Variants in RAPGEF5 observed in about 807,000 individuals in gnomAD.
RAPGEF5 encodes M-Ras-regulated GEF.
In RAPGEF5, 65 loss-of-function variants were observed where a neutral mutation model predicts 125.2. The ratio of observed to expected loss-of-function variants is 0.52; its 90% confidence interval spans 0.43 to 0.64. The LOEUF (loss-of-function observed/expected upper bound fraction) is 0.64, where lower values mean the gene tolerates loss of function less well. Among genes scored for constraint, RAPGEF5 ranks in the 30% least tolerant of loss-of-function variants. RAPGEF5 has a pLI of 0.00. For synonymous variants in RAPGEF5, 391 were observed against 385.9 expected (o/e 1.01, Z -0.16); for missense variants, 958 against 1,048.1 (o/e 0.91, Z 1.19).
chr7:22,288,545 C>T (rs1259909748), intron 6 of RAPGEF5, among the ~76,000 whole-genome samples: 3 of 146,478 alleles, frequency 2.0e-5, no homozygotes, highest in East Asian at 2.0e-4. Context: ...TTTTTTGAGA[C>T]GGAGTCTCGC....
At chr7:22,246,491 T>G (rs1786480172) in intron 7 of RAPGEF5, among the ~76,000 whole-genome samples, 1 of 152,162 alleles carries the variant, frequency 6.6e-6, no homozygotes, top group South Asian at 2.1e-4. Context: ...GACTCCCTAT[T>G]CAATGAATGG....
chr7:22,126,144 G>A (rs10255474), intron 24 of RAPGEF5, among the ~76,000 whole-genome samples: 56,272 of 151,868 alleles, frequency 0.37, 11,827 homozygotes, highest in East Asian at 0.56. Flanking sequence ...GTGAGACTCC[G>A]TCTCAAAAAC....
At chr7:22,304,844 T>C (rs986226338) in intron 5 of RAPGEF5, among the ~76,000 whole-genome samples, 4 of 152,210 alleles carry the variant, frequency 2.6e-5, no homozygotes, top group East Asian at 1.9e-4. Context: ...TTCTGACCTA[T>C]ATTAAGAGCA....
intron 11 of RAPGEF5, among the ~76,000 whole-genome samples, chr7:22,169,936 G>A (rs962975418): frequency 1.3e-5 from 2 of 148,526 alleles, no homozygotes; most frequent in Admixed American, 6.8e-5. Context: ...CTGGAACCCA[G>A]GTGGCAGAGG....
chr7:22,140,385 T>C (rs572014202), intron 20 of RAPGEF5, among the ~76,000 whole-genome samples: 11 of 152,310 alleles, frequency 7.2e-5, no homozygotes, highest in African/African-American at 2.4e-4. Context: ...CTATGTTGTG[T>C]GCATTTACAA....
At chr7:22,229,021 T>C (rs1413193595) in intron 8 of RAPGEF5, among the ~76,000 whole-genome samples, 2 of 152,080 alleles carry the variant, frequency 1.3e-5, no homozygotes, top group African/African-American at 2.4e-5. Flanking sequence ...CCATGCATGC[T>C]AGGTACTGTC....
rs1232232121 is a variant in RAPGEF5, at chr7:22,260,592, A to C, written c.796+6372T>G. 2.0e-5 allele frequency among the ~76,000 whole-genome samples: 3 copies of C among 151,984 alleles called. No homozygotes were observed. The East Asian group carries it at 5.8e-4, about 29-fold the overall frequency. ...CATTTACAACAGTAATCAAAACTAC[A>C]AGGTACCTAAAAATACATCAAACAA... On this transcript the variant is annotated intron_variant, in intron 7 of 25. Coordinates refer to ENST00000665637, the MANE Select transcript of RAPGEF5 (RefSeq NM_012294.5).
intron 7 of RAPGEF5, among the ~76,000 whole-genome samples, chr7:22,253,002 T>A (rs140329430): frequency 6.6e-6 from 1 of 152,020 alleles, no homozygotes; most frequent in African/African-American, 2.4e-5. Context: ...TGATCACTGC[T>A]CAACAAGAAC....
intron 9 of RAPGEF5, among the ~76,000 whole-genome samples, chr7:22,209,725 T>G (rs1488076095): frequency 2.6e-5 from 4 of 152,118 alleles, no homozygotes; most frequent in Non-Finnish European, 4.4e-5. Flanking sequence ...TCTAAAGAAG[T>G]GTTGTCTTAG....
intron 9 of RAPGEF5, among the ~76,000 whole-genome samples, chr7:22,200,896 C>T (rs1785262552): frequency 6.6e-6 from 1 of 152,186 alleles, no homozygotes; most frequent in African/African-American, 2.4e-5. Flanking sequence ...AATATAAAGT[C>T]AATGTCTTTT....
At chr7:22,264,948 T>C (rs111807313) in intron 7 of RAPGEF5, among the ~76,000 whole-genome samples, 7,052 of 152,276 alleles carry the variant, frequency 0.046, 187 homozygotes, top group South Asian at 0.08. Flanking sequence ...GCAAAATTTA[T>C]TTCCAGGCCC....
intron 1 of RAPGEF5, among the ~76,000 whole-genome samples, chr7:22,341,942 T>C (rs569581631): frequency 7.9e-5 from 12 of 152,180 alleles, no homozygotes; most frequent in African/African-American, 2.7e-4. Context: ...AGTGGCCTTC[T>C]TCTCACAGCT....
At chr7:22,175,698 T>C (rs545945586) in intron 11 of RAPGEF5, among the ~76,000 whole-genome samples, 2 of 152,284 alleles carry the variant, frequency 1.3e-5, no homozygotes, top group East Asian at 3.9e-4. Flanking sequence ...TTAGTGTTTG[T>C]CCATTAAACG....
intron 7 of RAPGEF5, among the ~76,000 whole-genome samples, chr7:22,239,642 A>C (rs1786275398): frequency 6.6e-6 from 1 of 151,422 alleles, no homozygotes; most frequent in African/African-American, 2.4e-5. Flanking sequence ...TTTTTTTTTT[A>C]ATAGCTAAGA....
chr7:22,176,875 A>G (rs1161648466), intron 11 of RAPGEF5, among the ~76,000 whole-genome samples: 1 of 152,170 alleles, frequency 6.6e-6, no homozygotes, highest in Non-Finnish European at 1.5e-5. Context: ...TCTTACATTT[A>G]CTGACAATTT....
chr7:22,241,173 T>G (rs1348134978), intron 7 of RAPGEF5, among the ~76,000 whole-genome samples: 1 of 152,248 alleles, frequency 6.6e-6, no homozygotes, highest in Non-Finnish European at 1.5e-5. Context: ...AACTAAAGTT[T>G]ATTGCAGACA....
intron 12 of RAPGEF5, among the ~76,000 whole-genome samples, chr7:22,166,040 ATATATG>A (rs1245300435): frequency 6.8e-6 from 1 of 147,438 alleles, no homozygotes. Context: ...TACCAAATAT[ATATATG>A]TATATTATAT....
rs1001009052 is a variant in RAPGEF5 at position 22,133,352 on chromosome 7, C to T, written c.2417-2251G>A. Reference sequence around the variant, plus strand: ...GCAGTTGAATGGCAGGTGCATGACACGGAAGGTATGAGAGAGAAACAAATG... The same window carrying T: ...GCAGTTGAATGGCAGGTGCATGACATGGAAGGTATGAGAGAGAAACAAATG... On this transcript the variant is annotated intron_variant, in intron 23 of 25. Coordinates refer to ENST00000665637, the MANE Select transcript of RAPGEF5 (RefSeq NM_012294.5). 3.6e-4 allele frequency among the ~76,000 whole-genome samples: 55 copies of T among 152,110 alleles called. 1 individual carries two copies. The highest frequency in any genetic ancestry group is 1.3e-4 in the Admixed American group (2 of 15,290).
intron 1 of RAPGEF5, among the ~76,000 whole-genome samples, chr7:22,328,711 T>C (rs1284144262): frequency 6.6e-6 from 1 of 152,146 alleles, no homozygotes; most frequent in Admixed American, 6.5e-5. Flanking sequence ...CACTTGACAA[T>C]TCCAAAACCC....
Sources: allele counts gnomAD v4.1 joint callset (sites outside exome capture counted in the v4.1 genomes callset), GRCh38; gene constraint gnomAD v4.1.1; transcripts MANE v1.5; gene names NCBI Gene and HGNC (gene_info 2026-07-23, HGNC 2026-07-21).